Variants in CAMTA1 observed in about 807,000 individuals in gnomAD.
The protein encoded by CAMTA1 is calmodulin binding transcription activator 1, also known as calmodulin-binding transcription activator 1.
CAMTA1 carries 27 observed loss-of-function variants against 170.9 expected under a neutral mutation model. That is an observed-to-expected ratio of 0.16 (90% CI 0.12 to 0.22). CAMTA1 has a LOEUF of 0.22. Ranked by LOEUF, CAMTA1 falls within the 10% of genes least tolerant of loss-of-function variation. CAMTA1 has a pLI of 1.00. For missense variants in CAMTA1, 1,619 were observed against 2,217.2 expected (o/e 0.73, Z 5.42); for synonymous variants, 833 against 891.5 (o/e 0.93, Z 1.17).
intron 6 of CAMTA1, among the ~76,000 whole-genome samples, chr1:7,527,578 C>G (rs1042728022): frequency 2.0e-5 from 3 of 152,224 alleles, no homozygotes; most frequent in Non-Finnish European, 4.4e-5. Context: ...CTGGATGGGG[C>G]AGGGCCAGGG....
At chr1:6,931,894 T>C (rs1439494370) in intron 3 of CAMTA1, among the ~76,000 whole-genome samples, 2 of 152,226 alleles carry the variant, frequency 1.3e-5, no homozygotes, top group Non-Finnish European at 2.9e-5. Context: ...TTTTCTACCA[T>C]CGGTCACAGG....
chr1:7,478,276 C>CCG (rs2093454887), intron 6 of CAMTA1, among the ~76,000 whole-genome samples: 5 of 152,094 alleles, frequency 3.3e-5, no homozygotes, highest in Admixed American at 3.3e-4. Flanking sequence ...TGAGATGCAA[C>CCG]TGTGATTAGG....
chr1:7,528,842 G>GAATGAATGA (rs1557868756), intron 6 of CAMTA1, among the ~76,000 whole-genome samples: 4 of 103,428 alleles, frequency 3.9e-5, no homozygotes, highest in Admixed American at 8.9e-5. Flanking sequence ...TGAATGAAGT[G>GAATGAATGA]AGTGAATGAA....
chr1:7,192,916 G>GTC (rs1558229790), intron 4 of CAMTA1, among the ~76,000 whole-genome samples: 1 of 152,152 alleles, frequency 6.6e-6, no homozygotes, highest in Admixed American at 6.5e-5. Flanking sequence ...TGCTGTGAAG[G>GTC]TCTCTGCAGA....
intron 5 of CAMTA1, among the ~76,000 whole-genome samples, chr1:7,365,441 G>A (rs2085890682): frequency 6.6e-6 from 1 of 152,124 alleles, no homozygotes; most frequent in Non-Finnish European, 1.5e-5. Context: ...AAAACCTCCT[G>A]TTCATATTTA....
chr1:7,689,733 A>G (rs1020421210), intron 11 of CAMTA1, among the ~76,000 whole-genome samples: 2 of 152,214 alleles, frequency 1.3e-5, no homozygotes, highest in African/African-American at 4.8e-5. Context: ...GCCCCAAGCC[A>G]TCGCTGAATC....
chr1:7,751,329 A>G lies in CAMTA1; in HGVS notation c.4820A>G (p.Tyr1607Cys). ...AVLIQKYYRS[Y>C]KKCGKRRQAR... ...CTCATCCAAAAGTACTACCGAAGTT[A>G]TAAGAAATGTGGCAAAAGACGGCAG... The change falls in exon 20 of 23, where the codon TAT becomes TGT. Residue 1607 changes from tyrosine to cysteine, a missense_variant. Transcript: ENST00000303635. 1 of 1,611,458 alleles carries G rather than the reference A, an allele frequency of 6.2e-7. No homozygotes were observed. Among genetic ancestry groups the G allele is most frequent in the Non-Finnish European group, 8.5e-7 (1 of 1,179,428 alleles).
rs1708628348 is a variant in CAMTA1 at position 7,064,048 on chromosome 1, G to C, written c.235-27256G>C. Among the ~76,000 whole-genome samples, 2 of 152,046 alleles carry C rather than the reference G, an allele frequency of 1.3e-5. No homozygotes were observed. Among genetic ancestry groups the C allele is most frequent in the Non-Finnish European group, 2.9e-5 (2 of 68,000 alleles). On this transcript the variant is annotated intron_variant, in intron 3 of 22. Coordinates refer to ENST00000303635, the MANE Select transcript of CAMTA1 (RefSeq NM_015215.4). The surrounding 1 kb of genome is among the most constrained non-coding windows in gnomAD (Gnocchi z 5.4). ...CCAGGTGGCTGCCTTCTCATATGGT[G>C]GGAGCCTTTGCCTTCACCTTCTCCT... is the stretch of plus-strand genomic sequence containing the variant.
chr1:7,699,661 C>T (rs567744252), intron 11 of CAMTA1, among the ~76,000 whole-genome samples: 4 of 152,270 alleles, frequency 2.6e-5, no homozygotes, highest in African/African-American at 9.6e-5. Flanking sequence ...CAAATTTCTC[C>T]ACATCCTTGC....
At chr1:7,607,011 G>T (rs1219425451) in intron 6 of CAMTA1, among the ~76,000 whole-genome samples, 1 of 152,240 alleles carries the variant, frequency 6.6e-6, no homozygotes, top group African/African-American at 2.4e-5. Context: ...ACTCAGAGTG[G>T]TATCAGCATT....
intron 3 of CAMTA1, among the ~76,000 whole-genome samples, chr1:6,865,322 C>T (rs920785675): frequency 1.3e-5 from 2 of 152,306 alleles, no homozygotes; most frequent in East Asian, 1.9e-4. Context: ...CATTCATTCT[C>T]TCATTCACCA....
At chr1:7,423,625 A>G (rs1297181083) in intron 5 of CAMTA1, among the ~76,000 whole-genome samples, 1 of 152,020 alleles carries the variant, frequency 6.6e-6, no homozygotes, top group Non-Finnish European at 1.5e-5. Flanking sequence ...GCTTTTGTCA[A>G]TGAACATGAA....
At chr1:7,698,704 G>C (rs1007215513) in intron 11 of CAMTA1, 1 of 152,314 alleles carries the variant, frequency 6.6e-6, no homozygotes, top group African/African-American at 2.4e-5. Context: ...TCTGAATGCT[G>C]TTCTCGCCAG....
Position 7,325,718 on chromosome 1 carries a change from T to G in CAMTA1, c.438+76092T>G, listed in dbSNP as rs1574692291. Among the ~76,000 whole-genome samples the G allele has an allele frequency of 6.6e-6, 1 of 152,104 alleles. No homozygotes were observed. Among genetic ancestry groups the G allele is most frequent in the African/African-American group, 2.4e-5 (1 of 41,408 alleles). On this transcript the variant is annotated intron_variant, in intron 5 of 22. Coordinates refer to ENST00000303635, the MANE Select transcript of CAMTA1 (RefSeq NM_015215.4). The surrounding 1 kb of genome is among the most constrained non-coding windows in gnomAD (Gnocchi z 5.0). ...TGAGGAAGCTATAAGAGAAGCAGTTTTGGAGGAAGCATGGGAGATCTGCTG... is the reference window on the plus strand; with the variant it reads ...TGAGGAAGCTATAAGAGAAGCAGTTGTGGAGGAAGCATGGGAGATCTGCTG...
chr1:7,315,400 T>G (rs1193172217), intron 5 of CAMTA1, among the ~76,000 whole-genome samples: 1 of 152,236 alleles, frequency 6.6e-6, no homozygotes, highest in Non-Finnish European at 1.5e-5. Context: ...AGGGAAGAGA[T>G]GAGGGAAGAC....
chr1:7,124,768 G>A (rs972147469), intron 4 of CAMTA1, among the ~76,000 whole-genome samples: 2 of 152,258 alleles, frequency 1.3e-5, no homozygotes, highest in Non-Finnish European at 2.9e-5. Context: ...AGGTGTGCAT[G>A]GGACGAATGA....
intron 5 of CAMTA1, among the ~76,000 whole-genome samples, chr1:7,354,481 T>G (rs2084947484): frequency 6.6e-6 from 1 of 152,240 alleles, no homozygotes; most frequent in African/African-American, 2.4e-5. Flanking sequence ...CCAGTGTTCA[T>G]GGGCACCTAG....
In CAMTA1 at chr1:7,664,980, G is replaced by A. The variant is rs1187684179; in HGVS notation, c.2433G>A (p.Arg811=). ...TCTCACAGTCAGAGGACGGGGCGCG[G>A]GCCCCCTTCACCCAGGCAGAGATGT... ...TALSQSEDGA[R]APFTQAEMCL... The change falls in exon 9 of 23, where the codon CGG becomes CGA. Residue 811 remains arginine, a synonymous_variant. Coordinates refer to ENST00000303635, the MANE Select transcript of CAMTA1 (RefSeq NM_015215.4). 1.9e-6 allele frequency: 3 copies of A among 1,610,482 alleles called. No individual in the cohort carries two copies. Among genetic ancestry groups the A allele is most frequent in the Non-Finnish European group, 2.5e-6 (3 of 1,178,556 alleles).
At chr1:6,885,556 G>T (rs776626528) in intron 3 of CAMTA1, among the ~76,000 whole-genome samples, 5 of 152,124 alleles carry the variant, frequency 3.3e-5, no homozygotes, top group Non-Finnish European at 5.9e-5. Flanking sequence ...CAGGTATTTG[G>T]TCTGCAGTAG....
Sources: gnomAD v4.1 joint callset for allele counts (sites outside exome capture counted in the v4.1 genomes callset) on GRCh38, gnomAD v4.1.1 for gene constraint, Gnocchi (gnomAD v3.1) non-coding constraint, MANE v1.5 for transcripts, NCBI Gene and HGNC (gene_info 2026-07-23, HGNC 2026-07-21) for gene names.